Variants in A2ML1 observed in about 807,000 individuals in gnomAD.
The protein encoded by A2ML1 is alpha-2-macroglobulin-like protein 1.
Under a neutral mutation model 181.9 loss-of-function variants are expected in A2ML1, and 161 were observed. That is an observed-to-expected ratio of 0.89 (90% CI 0.78 to 1.01). The LOEUF is 1.01. A2ML1 is among the 50% of genes least tolerant of loss of function. A2ML1 has a pLI of 0.00. For synonymous variants in A2ML1, 663 were observed against 666.8 expected, an observed-to-expected ratio of 0.99 and a Z score of 0.09; for missense variants, 1,670 against 1,768.1, an observed-to-expected ratio of 0.94 and a Z score of 1.00.
chr12:8,824,394 G>A (rs761011932), intron 3 of A2ML1, among the ~76,000 whole-genome samples: 15 of 151,198 alleles, frequency 9.9e-5, no homozygotes, highest in Non-Finnish European at 1.9e-4. Flanking sequence ...TATTTATGGG[G>A]TAGATGAGAT....
intron 5 of A2ML1, among the ~76,000 whole-genome samples, chr12:8,835,293 C>CA (rs1324246179): frequency 2.0e-5 from 3 of 152,154 alleles, no homozygotes; most frequent in Non-Finnish European, 1.5e-5. Flanking sequence ...GATTTCCTAC[C>CA]AAATGGGGGC....
intron 7 of A2ML1, among the ~76,000 whole-genome samples, chr12:8,884,923 T>C (rs770556337): frequency 3.9e-5 from 6 of 152,360 alleles, no homozygotes; most frequent in Middle Eastern, 3.4e-3. Flanking sequence ...CAATCTCTCA[T>C]TGATGGACAT....
chr12:8,826,578 G>C (rs1009740500), intron 3 of A2ML1, among the ~76,000 whole-genome samples: 4 of 152,156 alleles, frequency 2.6e-5, no homozygotes, highest in African/African-American at 9.7e-5. Context: ...ATCCCAAGTA[G>C]CTGGGAGTAC....
At position 8,861,313 on chromosome 12, in the gene A2ML1, T is replaced by G. The variant is rs763693577; in HGVS notation, c.3502+16T>G. The G allele has an allele frequency of 7.4e-6, 12 of 1,612,956 alleles. No individual in the cohort carries two copies. The East Asian group carries it at 2.2e-4, about 30-fold the overall frequency. Reference sequence around the variant, plus strand: ...ATCATCTCAGGTATGTTGGTCCTGTTGAGAGTTCTTTGAAATTGTGAACAT... The same window carrying G: ...ATCATCTCAGGTATGTTGGTCCTGTGGAGAGTTCTTTGAAATTGTGAACAT... On this transcript the variant is annotated intron_variant, in intron 28 of 35. Coordinates refer to ENST00000299698, the MANE Select transcript of A2ML1 (RefSeq NM_144670.6).
intron 33 of A2ML1, among the ~76,000 whole-genome samples, chr12:8,872,012 T>C (rs1443032885): frequency 6.6e-6 from 1 of 152,032 alleles, no homozygotes; most frequent in Non-Finnish European, 1.5e-5. Flanking sequence ...ACCCCGTCTG[T>C]ACTAAAGGTA....
At chr12:8,862,812 T>TCA (rs985149343) in intron 28 of A2ML1, among the ~76,000 whole-genome samples, 5 of 16,184 alleles carry the variant, frequency 3.1e-4, no homozygotes, top group African/African-American at 3.3e-4. Context: ...TATTGCAAGC[T>TCA]CACGTTTCCT....
chr12:8,826,626 G>GT (rs1040230815), intron 3 of A2ML1, among the ~76,000 whole-genome samples: 1 of 151,590 alleles, frequency 6.6e-6, no homozygotes, highest in Non-Finnish European at 1.5e-5. Context: ...TTTTGTTTTT[G>GT]TTTTTTTGTT....
Position 8,837,581 on chromosome 12 carries a change from G to A in A2ML1, c.855+15G>A, listed in dbSNP as rs2136775573. On this transcript the variant is annotated intron_variant, in intron 8 of 35. Coordinates refer to ENST00000299698, the MANE Select transcript of A2ML1 (RefSeq NM_144670.6). Reference sequence around the variant, plus strand: ...TCTCTGGACAGGTGAGTAAATGACAGGTTAAAAAGGAACCTATCGGCCAGG... The same window carrying A: ...TCTCTGGACAGGTGAGTAAATGACAAGTTAAAAAGGAACCTATCGGCCAGG... 1.2e-6 allele frequency: 2 copies of A among 1,605,504 alleles called. No individual in the cohort carries two copies. Among genetic ancestry groups the A allele is most frequent in the African/African-American group, 1.3e-5 (1 of 74,646 alleles).
At chr12:8,823,410 TCTC>T (rs1007063525) in intron 2 of A2ML1, 45 bp downstream of exon 2, 1 of 1,559,358 alleles carries the variant, frequency 6.4e-7, no homozygotes, top group Non-Finnish European at 8.8e-7. Context: ...ACTTGCCTAT[TCTC>T]CTCCCTAGGC....
At chr12:8,856,636 G>C (rs758479395) in intron 23 of A2ML1, among the ~76,000 whole-genome samples, 7 of 152,140 alleles carry the variant, frequency 4.6e-5, no homozygotes, top group Non-Finnish European at 1.0e-4. Flanking sequence ...TTGATCCTAA[G>C]TGTTATAAGT....
chr12:8,873,242 A>ATTTTT (rs775312034), intron 33 of A2ML1, among the ~76,000 whole-genome samples: 1 of 142,252 alleles, frequency 7.0e-6, no homozygotes, highest in Admixed American at 7.1e-5. Flanking sequence ...TTATAATACG[A>ATTTTT]TTTTTTTTTT....
intron 11 of A2ML1, among the ~76,000 whole-genome samples, chr12:8,842,311 C>CGGGG (rs1943509863): frequency 6.6e-6 from 1 of 151,858 alleles, no homozygotes; most frequent in South Asian, 2.1e-4. Context: ...TCCGCCTCCC[C>CGGGG]GGTTCACGCC....
chr12:8,847,660 T>C lies in A2ML1; in HGVS notation c.1795T>C (p.Leu599=). The C allele has an allele frequency of 6.2e-7, 1 of 1,613,758 alleles. No homozygotes were observed. The highest frequency in any genetic ancestry group is 8.5e-7 in the Non-Finnish European group (1 of 1,179,830). The change falls in exon 15 of 36, where the codon TTA becomes CTA. Residue 599 remains leucine (L), a synonymous_variant. Transcript: ENST00000299698. ...CALRAVDESV[L]LLRPDRELSN... ...GCTCCGGGCGGTGGATGAGAGTGTC[T>C]TACTGCTTAGGCCAGACAGAGAGCT...
chr12:8,831,658 T>G (rs1592106001), intron 4 of A2ML1, among the ~76,000 whole-genome samples: 1 of 152,208 alleles, frequency 6.6e-6, no homozygotes, highest in African/African-American at 2.4e-5. Flanking sequence ...AAAGAGTAAC[T>G]CACCCAGAGC....
intron 26 of A2ML1, among the ~76,000 whole-genome samples, chr12:8,858,525 G>T (rs890129556): frequency 1.3e-5 from 2 of 152,134 alleles, no homozygotes; most frequent in African/African-American, 4.8e-5. Context: ...GGTCAAGCCT[G>T]CAGTGAGCCG....
At chr12:8,827,779 G>A (rs371215428) in intron 3 of A2ML1, among the ~76,000 whole-genome samples, 9 of 152,248 alleles carry the variant, frequency 5.9e-5, no homozygotes, top group East Asian at 1.9e-4. Context: ...CTTGGGTGTC[G>A]TAATCTAAGT....
rs1299569993 is a variant in A2ML1, at chr12:8,829,646, C to A, written c.410-81C>A. On this transcript the variant is annotated intron_variant, in intron 3 of 35. Coordinates refer to ENST00000299698, the MANE Select transcript of A2ML1 (RefSeq NM_144670.6). ...CTCCAACCTGGGTGACAGAGTGAGA[C>A]CCTGTATCAAAAAAAAAAAAAAAAA... The A allele has an allele frequency of 9.0e-6, 12 of 1,326,066 alleles. No homozygotes were observed. In the African/African-American group the frequency reaches 1.7e-4, roughly 19 times the overall value. The allele number at this position is 1,326,066 out of a possible 1,614,324, so 82.1% of individuals were successfully genotyped here.
At chr12:8,866,331 A>G (rs1276888413) in intron 29 of A2ML1, among the ~76,000 whole-genome samples, 1 of 123,832 alleles carries the variant, frequency 8.1e-6, no homozygotes, top group East Asian at 2.4e-4. Context: ...AAAAAAAAAA[A>G]GCACCAAGTT....
chr12:8,858,888 G>A (rs1303048558), intron 26 of A2ML1, among the ~76,000 whole-genome samples: 4 of 152,100 alleles, frequency 2.6e-5, no homozygotes, highest in Non-Finnish European at 5.9e-5. Flanking sequence ...GCAGCCCAAC[G>A]TCTTTTGTAA....
Sources: gnomAD v4.1 joint callset for allele counts (sites outside exome capture counted in the v4.1 genomes callset) on GRCh38, gnomAD v4.1.1 for gene constraint, MANE v1.5 for transcripts, NCBI Gene and HGNC (gene_info 2026-07-23, HGNC 2026-07-21) for gene names.